The following BRINP3 variants were observed in gnomAD, a reference collection of about 807,000 sequenced individuals.
BRINP3 encodes BMP/retinoic acid-inducible neural-specific protein 3.
In BRINP3, 19 loss-of-function variants were observed where a neutral mutation model predicts 71.0. That is an observed-to-expected ratio of 0.27 (90% CI 0.19 to 0.39). The LOEUF (loss-of-function observed/expected upper bound fraction) is 0.39. BRINP3 is among the 10% of genes least tolerant of loss of function. BRINP3 has a pLI of 1.00. For synonymous variants in BRINP3, 380 were observed against 337.7 expected (o/e 1.13, Z -1.37); for missense variants, 959 against 940.8 (o/e 1.02, Z -0.25).
intron 4 of BRINP3, among the ~76,000 whole-genome samples, chr1:190,243,084 T>C (rs1423599571): frequency 1.3e-5 from 2 of 152,146 alleles, no homozygotes; most frequent in Admixed American, 6.6e-5. Flanking sequence ...ACTATGCTAA[T>C]TCTTTGAGTA....
At chr1:190,291,127 G>A (rs1163501848) in intron 2 of BRINP3, among the ~76,000 whole-genome samples, 1 of 152,042 alleles carries the variant, frequency 6.6e-6, no homozygotes, top group Non-Finnish European at 1.5e-5. Context: ...TAGCTACCCA[G>A]GAAACAGAGA....
At chr1:190,336,853 T>TCCTC (rs1667320687) in intron 2 of BRINP3, among the ~76,000 whole-genome samples, 1 of 131,438 alleles carries the variant, frequency 7.6e-6, no homozygotes, top group Non-Finnish European at 1.6e-5. Context: ...CTTCCTTCCT[T>TCCTC]CCCTCCTTCC....
chr1:190,424,113 C>A (rs1351365599), intron 2 of BRINP3, among the ~76,000 whole-genome samples: 1 of 151,392 alleles, frequency 6.6e-6, no homozygotes, highest in Non-Finnish European at 1.5e-5. Context: ...TCAAAAATAT[C>A]TATATTTTTG....
chr1:190,180,349 T>A (rs565344371), intron 6 of BRINP3, among the ~76,000 whole-genome samples: 1 of 152,102 alleles, frequency 6.6e-6, no homozygotes, highest in African/African-American at 2.4e-5. Context: ...TCTATAGATA[T>A]AGCTGTTACT....
chr1:190,226,638 T>C (rs1657408563), intron 5 of BRINP3, among the ~76,000 whole-genome samples: 1 of 152,010 alleles, frequency 6.6e-6, no homozygotes, highest in South Asian at 2.1e-4. Flanking sequence ...CCTATCTTTC[T>C]AAACCTTTGA....
intron 6 of BRINP3, among the ~76,000 whole-genome samples, chr1:190,218,756 A>G (rs1656625504): frequency 6.6e-6 from 1 of 151,902 alleles, no homozygotes; most frequent in East Asian, 1.9e-4. Flanking sequence ...TGTCCCCTCT[A>G]TTCACCAATG....
At chr1:190,296,888 A>T (rs1664293244) in intron 2 of BRINP3, among the ~76,000 whole-genome samples, 1 of 152,130 alleles carries the variant, frequency 6.6e-6, no homozygotes, top group African/African-American at 2.4e-5. Context: ...TAAGGCACTG[A>T]TGAAAGAAAT....
chr1:190,326,604 C>A (rs1425353349), intron 2 of BRINP3, among the ~76,000 whole-genome samples: 1 of 152,146 alleles, frequency 6.6e-6, no homozygotes. Context: ...ACGGACTTCT[C>A]AGCAGAAACA....
intron 1 of BRINP3, among the ~76,000 whole-genome samples, chr1:190,457,110 T>TA (rs1190784125): frequency 8.6e-5 from 13 of 151,976 alleles, no homozygotes; most frequent in East Asian, 1.9e-4. Flanking sequence ...TCATAGTGGT[T>TA]AAAAAAATGG....
In BRINP3 at chr1:190,254,706, A is replaced by T. The variant is rs1660487337; in HGVS notation, c.618+10159T>A. ...GATGGGGTTTTCTAAATATACAATC[A>T]TGTCTTCAGCAACAGGGACAATTTC... is the stretch of plus-strand genomic sequence containing the variant. On this transcript the variant is annotated intron_variant, in intron 4 of 7. Coordinates refer to ENST00000367462, the MANE Select transcript of BRINP3 (RefSeq NM_199051.3). Among the ~76,000 whole-genome samples, 4 of 152,292 alleles carry T rather than the reference A, an allele frequency of 2.6e-5. No individual in the cohort carries two copies. In the South Asian group the frequency reaches 8.3e-4, roughly 32 times the overall value.
At chr1:190,434,385 C>G (rs1674312899) in intron 2 of BRINP3, among the ~76,000 whole-genome samples, 1 of 152,000 alleles carries the variant, frequency 6.6e-6, no homozygotes, top group African/African-American at 2.4e-5. Flanking sequence ...GCTAAGATTA[C>G]AGGCATGACC....
At chr1:190,157,734 A>C (rs1371901171) in intron 7 of BRINP3, among the ~76,000 whole-genome samples, 1 of 152,198 alleles carries the variant, frequency 6.6e-6, no homozygotes, top group Non-Finnish European at 1.5e-5. Flanking sequence ...CATATTAAAT[A>C]TCTTATTTGT....
intron 2 of BRINP3, among the ~76,000 whole-genome samples, chr1:190,302,155 T>G (rs1664783284): frequency 6.6e-6 from 1 of 150,650 alleles, no homozygotes; most frequent in South Asian, 2.1e-4. Flanking sequence ...AAATGACACA[T>G]TATTATTCCC....
At chr1:190,459,524 C>T (rs1676242610) in intron 1 of BRINP3, among the ~76,000 whole-genome samples, 1 of 151,908 alleles carries the variant, frequency 6.6e-6, no homozygotes, top group Non-Finnish European at 1.5e-5. Flanking sequence ...TTCGGAATCA[C>T]TGAATTAAAC....
intron 2 of BRINP3, among the ~76,000 whole-genome samples, chr1:190,322,079 A>G (rs2103053607): frequency 6.6e-6 from 1 of 152,122 alleles, no homozygotes; most frequent in African/African-American, 2.4e-5. Flanking sequence ...TCATACATAT[A>G]TGGGAAATAA....
At chr1:190,127,664 T>C (rs1174427281) in intron 7 of BRINP3, among the ~76,000 whole-genome samples, 1 of 151,884 alleles carries the variant, frequency 6.6e-6, no homozygotes, top group East Asian at 1.9e-4. Context: ...ATAAAAGTAA[T>C]GTTGTCACTT....
chr1:190,143,407 A>C (rs900126368), intron 7 of BRINP3, among the ~76,000 whole-genome samples: 1 of 152,164 alleles, frequency 6.6e-6, no homozygotes, highest in African/African-American at 2.4e-5. Flanking sequence ...CAATGGAACT[A>C]CTCAAAGGTC....
intron 2 of BRINP3, among the ~76,000 whole-genome samples, chr1:190,386,948 A>C (rs777033472): frequency 6.6e-6 from 1 of 151,928 alleles, no homozygotes; most frequent in Non-Finnish European, 1.5e-5. Context: ...TATCTTTTTG[A>C]TTTTTAAAAT....
At chr1:190,135,071 C>A (rs1654855996) in intron 7 of BRINP3, among the ~76,000 whole-genome samples, 1 of 152,108 alleles carries the variant, frequency 6.6e-6, no homozygotes, top group Non-Finnish European at 1.5e-5. Context: ...CTTGATAAGA[C>A]TCTGACCTTT....
Sources: allele counts gnomAD v4.1 joint callset (sites outside exome capture counted in the v4.1 genomes callset), GRCh38; gene constraint gnomAD v4.1.1; transcripts MANE v1.5; gene names NCBI Gene and HGNC (gene_info 2026-07-23, HGNC 2026-07-21).